Variants in ITFG1 observed in about 807,000 individuals in gnomAD.
ITFG1 encodes T-cell immunomodulatory protein.
A neutral mutation model predicts 81.8 loss-of-function variants in ITFG1; 34 were observed. The ratio of observed to expected loss-of-function variants is 0.42; its 90% CI spans 0.32 to 0.55. The LOEUF is 0.55. Ranked by LOEUF, ITFG1 falls within the 20% of genes least tolerant of loss-of-function variation. The probability of loss-of-function intolerance (pLI) is 0.17; values close to 1 mark genes in which losing one functional copy is unlikely to be tolerated. For missense variants in ITFG1, 672 were observed against 755.4 expected (o/e 0.89, Z 1.29); for synonymous variants, 285 against 270.6 (o/e 1.05, Z -0.52).
intron 8 of ITFG1, among the ~76,000 whole-genome samples, chr16:47,317,257 T>C (rs1967374319): frequency 6.6e-6 from 1 of 152,142 alleles, no homozygotes; most frequent in East Asian, 1.9e-4. Flanking sequence ...AAACTAAAAC[T>C]GATTTAGAGA....
intron 5 of ITFG1, among the ~76,000 whole-genome samples, chr16:47,446,981 CCT>C (rs1483532583): frequency 1.3e-5 from 2 of 151,774 alleles, no homozygotes. Context: ...CTCACCTTAG[CCT>C]CCCAAGCAGC....
At chr16:47,325,539 G>A (rs1245171559) in intron 8 of ITFG1, among the ~76,000 whole-genome samples, 1 of 152,124 alleles carries the variant, frequency 6.6e-6, no homozygotes, top group Non-Finnish European at 1.5e-5. Flanking sequence ...CCAGGAGCTG[G>A]TTTTTTGAAA....
chr16:47,424,153 G>T (rs1250864004), intron 6 of ITFG1, among the ~76,000 whole-genome samples: 1 of 150,918 alleles, frequency 6.6e-6, no homozygotes, highest in South Asian at 2.1e-4. Flanking sequence ...CTCTAACCTT[G>T]TCTTCTCACT....
At chr16:47,202,895 T>A (rs1965444365) in intron 14 of ITFG1, among the ~76,000 whole-genome samples, 1 of 152,090 alleles carries the variant, frequency 6.6e-6, no homozygotes. Flanking sequence ...CTGTGTACTG[T>A]GGTGGAATAT....
intron 14 of ITFG1, among the ~76,000 whole-genome samples, chr16:47,203,866 G>A (rs1389126228): frequency 2.6e-5 from 4 of 152,182 alleles, no homozygotes. Context: ...ACATGCCATG[G>A]GCTGGAGCAG....
chr16:47,424,517 G>A (rs998091600), intron 6 of ITFG1, among the ~76,000 whole-genome samples: 2 of 152,126 alleles, frequency 1.3e-5, no homozygotes, highest in African/African-American at 4.8e-5. Flanking sequence ...AGGTGCTCTG[G>A]TTTTTGGAAT....
At chr16:47,420,676 C>T (rs562699914) in intron 6 of ITFG1, among the ~76,000 whole-genome samples, 2 of 152,314 alleles carry the variant, frequency 1.3e-5, no homozygotes, top group South Asian at 4.1e-4. Context: ...TCTCTCGTGT[C>T]CTATTTTTTG....
chr16:47,282,693 T>G (rs1966462793), intron 10 of ITFG1, among the ~76,000 whole-genome samples: 1 of 152,184 alleles, frequency 6.6e-6, no homozygotes, highest in African/African-American at 2.4e-5. Context: ...GAGGTTGTAT[T>G]AATTTTCATT....
intron 14 of ITFG1, among the ~76,000 whole-genome samples, chr16:47,174,364 T>C (rs1964997006): frequency 6.6e-6 from 1 of 152,000 alleles, no homozygotes; most frequent in African/African-American, 2.4e-5. Flanking sequence ...AAATAATACA[T>C]ACACGCTGAT....
chr16:47,202,456 T>A (rs1178230651), intron 14 of ITFG1: 1 of 152,188 alleles, frequency 6.6e-6, no homozygotes, highest in Non-Finnish European at 1.5e-5. Flanking sequence ...CTCATAATTT[T>A]AAAAATGTCT....
intron 14 of ITFG1, among the ~76,000 whole-genome samples, chr16:47,167,620 C>T (rs113567801): frequency 0.07 from 10,589 of 152,108 alleles, 596 homozygotes; most frequent in African/African-American, 0.15. Context: ...GCTTATAAAA[C>T]GGCCCCACCC....
At chr16:47,299,059 C>T (rs1351373959) in intron 10 of ITFG1, among the ~76,000 whole-genome samples, 1 of 152,076 alleles carries the variant, frequency 6.6e-6, no homozygotes, top group Non-Finnish European at 1.5e-5. Flanking sequence ...GTGAAATCTG[C>T]TGAGGTCTCC....
intron 14 of ITFG1, among the ~76,000 whole-genome samples, chr16:47,197,973 T>TA (rs1255668206): frequency 6.6e-6 from 1 of 152,260 alleles, no homozygotes; most frequent in African/African-American, 2.4e-5. Flanking sequence ...TGAGATATGA[T>TA]AAGCTCTGTA....
Position 47,332,889 on chromosome 16 carries a change from C to T in ITFG1, c.803-19066G>A, listed in dbSNP as rs78658321. 2.9e-3 allele frequency among the ~76,000 whole-genome samples: 445 copies of T among 152,316 alleles called. 2 individuals carry two copies. The highest frequency in any genetic ancestry group is 5.3e-3 in the Non-Finnish European group (362 of 68,022). ...TTCTGCATTAAAGCAGCAGTTTATT[C>T]AAAGGTACTAGAGCAATTTACGAGG... is the stretch of plus-strand genomic sequence containing the variant. On this transcript the variant is annotated intron_variant, in intron 8 of 17. Coordinates refer to ENST00000320640, the MANE Select transcript of ITFG1 (RefSeq NM_030790.5).
chr16:47,341,249 T>C (rs114793755), intron 8 of ITFG1, among the ~76,000 whole-genome samples: 4,501 of 148,164 alleles, frequency 0.03, 140 homozygotes, highest in East Asian at 0.11. Flanking sequence ...CAAGACCCCA[T>C]CTGTAAAAAA....
intron 8 of ITFG1, among the ~76,000 whole-genome samples, chr16:47,355,295 A>C: frequency 6.6e-6 from 1 of 152,168 alleles, no homozygotes; most frequent in East Asian, 1.9e-4. Context: ...CAGACCCAGA[A>C]AATAAATACC....
At chr16:47,366,576 C>A (rs1334956040) in intron 7 of ITFG1, among the ~76,000 whole-genome samples, 2 of 152,150 alleles carry the variant, frequency 1.3e-5, no homozygotes, top group Admixed American at 1.3e-4. Flanking sequence ...ATATGCATTT[C>A]TTTAAATTAT....
chr16:47,260,742 G>A (rs1287803475), intron 10 of ITFG1, 47 bp from the exon 11 acceptor site: 1 of 1,585,202 alleles, frequency 6.3e-7, no homozygotes. Context: ...CATCAACACT[G>A]TGGCATCGGC....
chr16:47,347,874 T>C (rs1240800939), intron 8 of ITFG1, among the ~76,000 whole-genome samples: 1 of 152,146 alleles, frequency 6.6e-6, no homozygotes, highest in Non-Finnish European at 1.5e-5. Flanking sequence ...GACAGCAACA[T>C]TTGCTGATCA....
Sources: allele counts gnomAD v4.1 joint callset (sites outside exome capture counted in the v4.1 genomes callset), GRCh38; gene constraint gnomAD v4.1.1; transcripts MANE v1.5; gene names NCBI Gene and HGNC (gene_info 2026-07-23, HGNC 2026-07-21).